The following ZSCAN25 variants were observed in gnomAD, a reference collection of about 807,000 sequenced individuals.
ZSCAN25 encodes zinc finger and SCAN domain containing 25, also known as zinc finger and SCAN domain-containing protein 25.
Under a neutral mutation model 38.7 loss-of-function variants are expected in ZSCAN25, and 27 were observed. The observed-to-expected ratio is 0.70, with a 90% CI of 0.51 to 0.96. The LOEUF (loss-of-function observed/expected upper bound fraction) is 0.96. Among genes scored for constraint, ZSCAN25 ranks in the 40% least tolerant of loss-of-function variants. The pLI is 0.00. For synonymous variants in ZSCAN25, 273 were observed against 277.7 expected (o/e 0.98, Z 0.17); for missense variants, 637 against 705.9 (o/e 0.90, Z 1.11).
chr7:99,623,121 C>A (rs147543179), intron 6 of ZSCAN25, among the ~76,000 whole-genome samples: 106 of 152,314 alleles, frequency 7.0e-4, no homozygotes, highest in South Asian at 2.3e-3. Context: ...TGGACTCTTA[C>A]AACTGTTACA....
the ZSCAN25 span, among the ~76,000 whole-genome samples, chr7:99,686,641 C>T: frequency 1.3e-5 from 2 of 152,188 alleles, no homozygotes; most frequent in African/African-American, 4.8e-5. Flanking sequence ...CCCTGTCTGA[C>T]AGCTTTGAAG....
chr7:99,683,954 G>A, the ZSCAN25 span, among the ~76,000 whole-genome samples: 1 of 152,106 alleles, frequency 6.6e-6, no homozygotes, highest in African/African-American at 2.4e-5. Flanking sequence ...TTAGCCTGTT[G>A]CCCAATCAAT....
the ZSCAN25 span, chr7:99,720,541 A>G: frequency 9.8e-7 from 1 of 1,021,570 alleles, no homozygotes; most frequent in East Asian, 2.7e-5. Context: ...AGTAATCTTA[A>G]GTTCTAGTTC....
chr7:99,672,064 T>C, the ZSCAN25 span, among the ~76,000 whole-genome samples: 1 of 152,178 alleles, frequency 6.6e-6, no homozygotes, highest in South Asian at 2.1e-4. Context: ...GTTGTTGTTG[T>C]TGTTTGAGAT....
chr7:99,664,188 A>G, the ZSCAN25 span: 1 of 1,073,264 alleles, frequency 9.3e-7, no homozygotes, highest in South Asian at 1.4e-5. Context: ...AATAAGAATA[A>G]GAACATCATG....
intron 1 of ZSCAN25, among the ~76,000 whole-genome samples, chr7:99,617,400 T>C (rs1337232141): frequency 6.6e-6 from 1 of 152,220 alleles, no homozygotes; most frequent in East Asian, 1.9e-4. Flanking sequence ...CTGGTCAACA[T>C]AGCGAGACCC....
chr7:99,645,524 T>C, the ZSCAN25 span, among the ~76,000 whole-genome samples: 1 of 152,216 alleles, frequency 6.6e-6, no homozygotes, highest in Non-Finnish European at 1.5e-5. Context: ...CTTTGAGGAA[T>C]TGCCACACTA....
chr7:99,653,543 G>A, the ZSCAN25 span, among the ~76,000 whole-genome samples: 1 of 152,104 alleles, frequency 6.6e-6, no homozygotes, highest in Non-Finnish European at 1.5e-5. The surrounding 1 kb of genome is among the most constrained non-coding windows in gnomAD (Gnocchi z 4.2). Flanking sequence ...TTTATGATTG[G>A]ATGCTACCAA....
the ZSCAN25 span, among the ~76,000 whole-genome samples, chr7:99,724,870 C>T: frequency 2.6e-4 from 39 of 152,202 alleles, no homozygotes; most frequent in African/African-American, 9.4e-4. Flanking sequence ...CTCAGTCCTG[C>T]GATTTAACCT....
At chr7:99,720,302 T>C in the ZSCAN25 span, 3 of 1,612,032 alleles carry the variant, frequency 1.9e-6, no homozygotes, top group Non-Finnish European at 1.7e-6. Flanking sequence ...TTTCAAAAAA[T>C]GGATGCTTAC....
At chr7:99,647,139 C>A in the ZSCAN25 span, among the ~76,000 whole-genome samples, 7 of 152,232 alleles carry the variant, frequency 4.6e-5, no homozygotes, top group Non-Finnish European at 1.0e-4. Context: ...ATACCCTCCT[C>A]ACCTCACGTG....
chr7:99,672,550 T>G, the ZSCAN25 span: 1 of 1,548,272 alleles, frequency 6.5e-7, no homozygotes, highest in Non-Finnish European at 8.9e-7. Flanking sequence ...GGATCAATCA[T>G]TATTTAAATT....
the ZSCAN25 span, chr7:99,699,903 G>A: frequency 1.9e-6 from 2 of 1,076,692 alleles, no homozygotes; most frequent in Non-Finnish European, 2.9e-6. Flanking sequence ...GAGGGAACAG[G>A]GGCCTGAGTA....
chr7:99,634,424 C>T (rs1432419708), downstream of ZSCAN25, among the ~76,000 whole-genome samples: 6 of 152,234 alleles, frequency 3.9e-5, no homozygotes, highest in Non-Finnish European at 5.9e-5. Flanking sequence ...GAGGCCGAGG[C>T]GGGCGGATCA....
the ZSCAN25 span, among the ~76,000 whole-genome samples, chr7:99,734,746 C>T: frequency 1.3e-5 from 2 of 151,866 alleles, no homozygotes; most frequent in Non-Finnish European, 1.5e-5. Flanking sequence ...CTCAGCCACC[C>T]AAGTAGCTGG....
At chr7:99,667,035 C>T in the ZSCAN25 span, 1 of 1,614,114 alleles carries the variant, frequency 6.2e-7, no homozygotes, top group African/African-American at 1.3e-5. Flanking sequence ...AAAGAGATGG[C>T]ACTTTTCATA....
the ZSCAN25 span, among the ~76,000 whole-genome samples, chr7:99,649,518 CT>C: frequency 6.6e-6 from 1 of 152,112 alleles, no homozygotes; most frequent in Non-Finnish European, 1.5e-5. Context: ...CCAGAAATGC[CT>C]GAAATTAGTC....
chr7:99,638,537 G>A, the ZSCAN25 span: 2 of 1,518,362 alleles, frequency 1.3e-6, no homozygotes, highest in Non-Finnish European at 1.8e-6. Flanking sequence ...TCCCAGTGTA[G>A]TTATGCCGCG....
the ZSCAN25 span, chr7:99,707,944 A>T: frequency 6.2e-7 from 1 of 1,613,856 alleles, no homozygotes. Context: ...ATATGTAAGG[A>T]TCTATGTTGT....
Sources: allele counts gnomAD v4.1 joint callset (sites outside exome capture counted in the v4.1 genomes callset), GRCh38; gene constraint gnomAD v4.1.1; non-coding constraint Gnocchi (gnomAD v3.1); transcripts MANE v1.5; gene names NCBI Gene and HGNC (gene_info 2026-07-23, HGNC 2026-07-21).